The following GTF3C1 variants were observed in gnomAD, a reference collection of about 807,000 sequenced individuals.
GTF3C1 encodes the protein general transcription factor 3C polypeptide 1.
In GTF3C1, 57 loss-of-function variants were observed where a neutral mutation model predicts 226.7. The observed-to-expected ratio is 0.25, with a 90% CI of 0.20 to 0.31. The LOEUF is 0.31. GTF3C1 is among the 10% of genes least tolerant of loss of function. The pLI is 1.00. For missense variants in GTF3C1, 2,217 were observed against 2,776.1 expected (o/e 0.80, Z 4.53); for synonymous variants, 1,090 against 1,084.8 (o/e 1.00, Z -0.09).
chr16:27,482,560 A>G (rs2088070809), intron 26 of GTF3C1: 1 of 455,930 alleles, frequency 2.2e-6, no homozygotes, highest in African/African-American at 2.0e-5. Context: ...CACTGGCCTC[A>G]CTTGGCACAA....
intron 2 of GTF3C1, among the ~76,000 whole-genome samples, chr16:27,538,938 G>T (rs1033509964): frequency 7.1e-6 from 1 of 140,046 alleles, no homozygotes; most frequent in Non-Finnish European, 1.5e-5. Flanking sequence ...ATAGAACTTA[G>T]CACTCTTAGA....
chr16:27,464,202 C>T, intron 34 of GTF3C1, 118 bp downstream of exon 34: 3 of 563,826 alleles, frequency 5.3e-6, no homozygotes, highest in Non-Finnish European at 8.5e-6. Flanking sequence ...GAAGTCAAGC[C>T]CCTTTTGTGC....
At chr16:27,530,669 G>T (rs1425197032) in intron 5 of GTF3C1, among the ~76,000 whole-genome samples, 1 of 152,200 alleles carries the variant, frequency 6.6e-6, no homozygotes, top group Non-Finnish European at 1.5e-5. Context: ...CTGAAACTGA[G>T]ATTTGTCCTG....
intron 2 of GTF3C1, among the ~76,000 whole-genome samples, chr16:27,539,240 C>T (rs150458969): frequency 7.9e-5 from 12 of 152,262 alleles, no homozygotes; most frequent in Non-Finnish European, 1.6e-4. Context: ...GACCTGCAGT[C>T]TCATTTTGAC....
chr16:27,493,622 ACG>A (rs1273416925), intron 16 of GTF3C1, among the ~76,000 whole-genome samples: 1 of 152,206 alleles, frequency 6.6e-6, no homozygotes, highest in Non-Finnish European at 1.5e-5. Flanking sequence ...GATAGAGAAC[ACG>A]CGTTCCTTTT....
chr16:27,478,476 G>A lies in GTF3C1; in HGVS notation c.4252C>T (p.Leu1418Phe). 6.2e-7 allele frequency: 1 copy of A among 1,603,624 alleles called. No individual in the cohort carries two copies. Among genetic ancestry groups the A allele is most frequent in the South Asian group, 1.1e-5 (1 of 90,844 alleles). The change falls in exon 28 of 37, where the codon CTT (leucine) becomes TTT (phenylalanine). Residue 1418 changes from leucine to phenylalanine, a missense_variant. Leu to Phe is a conservative substitution (Grantham distance 22). Transcript: ENST00000356183. ...EKDQTRKEDE[L>F]NSVDDIHFLV... ...CTATATATCAGTACTTACCTGTTAAGTTCATCCTCTTTCCTGGTTTGATCT... is the reference window on the plus strand; with the variant it reads ...CTATATATCAGTACTTACCTGTTAAATTCATCCTCTTTCCTGGTTTGATCT...
intron 2 of GTF3C1, among the ~76,000 whole-genome samples, chr16:27,538,575 A>G (rs1185666666): frequency 1.3e-5 from 2 of 152,230 alleles, no homozygotes; most frequent in African/African-American, 4.8e-5. Flanking sequence ...GAAGGAACAG[A>G]GCCAATCTTA....
At chr16:27,474,615 G>GT (rs2087926002) in intron 29 of GTF3C1, among the ~76,000 whole-genome samples, 1 of 152,158 alleles carries the variant, frequency 6.6e-6, no homozygotes, top group Non-Finnish European at 1.5e-5. Flanking sequence ...TTAAACAAGC[G>GT]TGAGACCAAT....
chr16:27,497,517 C>T, intron 14 of GTF3C1, 120 bp downstream of exon 14: 3 of 753,558 alleles, frequency 4.0e-6, no homozygotes, highest in Non-Finnish European at 6.8e-6. Flanking sequence ...GCCCACAGCT[C>T]AGACGCGATT....
chr16:27,498,558 T>A, intron 13 of GTF3C1, 72 bp downstream of exon 13: 1 of 811,566 alleles, frequency 1.2e-6, no homozygotes, highest in South Asian at 1.3e-5. Flanking sequence ...AAAGGGCTCT[T>A]CTGGATTGCT....
intron 14 of GTF3C1, among the ~76,000 whole-genome samples, chr16:27,496,128 T>C (rs2088312842): frequency 6.6e-6 from 1 of 152,156 alleles, no homozygotes; most frequent in African/African-American, 2.4e-5. Flanking sequence ...CTCTCTCTCT[T>C]GCTCCTGCTT....
intron 28 of GTF3C1, among the ~76,000 whole-genome samples, chr16:27,477,956 G>A (rs2087978637): frequency 1.3e-5 from 2 of 152,302 alleles, no homozygotes; most frequent in South Asian, 4.1e-4. Flanking sequence ...GATCACTTGA[G>A]GCCAGGAGTT....
chr16:27,516,176 C>T (rs545653060), intron 6 of GTF3C1, among the ~76,000 whole-genome samples: 1 of 152,372 alleles, frequency 6.6e-6, no homozygotes, highest in South Asian at 2.1e-4. Flanking sequence ...GCCCTCTGGT[C>T]ACGATGGCTT....
intron 10 of GTF3C1, among the ~76,000 whole-genome samples, chr16:27,504,031 C>T (rs232074): frequency 0.22 from 34,154 of 152,168 alleles, 4,639 homozygotes; most frequent in African/African-American, 0.39. Context: ...GAAAGTCTTT[C>T]GTTCACCTTC....
Position 27,482,226 on chromosome 16 carries a change from T to C in GTF3C1, c.4083+818A>G, listed in dbSNP as rs531412337. Among the ~76,000 whole-genome samples, 18 of 152,248 alleles carry C rather than the reference T, an allele frequency of 1.2e-4. No homozygotes were observed. The East Asian group carries it at 3.1e-3, about 26-fold the overall frequency. ...CAACCAGGGGGTGACTGGCATAGGA[T>C]GGAAAGCTGACCACTGCTCCTGGAG... On this transcript the variant is annotated intron_variant, in intron 26 of 36. Transcript: ENST00000356183.
At chr16:27,522,806 T>C (rs2088769664) in intron 6 of GTF3C1, among the ~76,000 whole-genome samples, 1 of 152,246 alleles carries the variant, frequency 6.6e-6, no homozygotes, top group Non-Finnish European at 1.5e-5. Flanking sequence ...GTATATGTTT[T>C]GTACTTCTTT....
At chr16:27,493,435 G>A (rs2088263174) in intron 16 of GTF3C1, 139 bp from the exon 17 acceptor site, 2 of 633,008 alleles carry the variant, frequency 3.2e-6, no homozygotes, top group South Asian at 1.7e-5. Flanking sequence ...GCCCCACCAA[G>A]TGCCCCTGCA....
chr16:27,485,071 C>A (rs956292691), intron 24 of GTF3C1, among the ~76,000 whole-genome samples: 1 of 152,228 alleles, frequency 6.6e-6, no homozygotes, highest in African/African-American at 2.4e-5. Flanking sequence ...TTAGGGATGG[C>A]AACATGTCAC....
In GTF3C1 at chr16:27,507,467, A is replaced by G. The variant is rs1252834999; in HGVS notation, c.1243-311T>C. On this transcript the variant is annotated intron_variant, in intron 8 of 36. Coordinates refer to ENST00000356183, the MANE Select transcript of GTF3C1 (RefSeq NM_001520.4). This position sits in a 1 kb window ranked among gnomAD's most constrained non-coding sequence, Gnocchi z 4.9. Reference sequence around the variant, plus strand: ...ATATAGCCCCAGTGGCTGGGACAGGACGTGGCCCACACAAAATGGACAGTA... The same window carrying G: ...ATATAGCCCCAGTGGCTGGGACAGGGCGTGGCCCACACAAAATGGACAGTA... 6.6e-6 allele frequency among the ~76,000 whole-genome samples: 1 copy of G among 152,208 alleles called. No individual in the cohort carries two copies. The highest frequency in any genetic ancestry group is 1.5e-5 in the Non-Finnish European group (1 of 68,030).
Sources: allele counts gnomAD v4.1 joint callset (sites outside exome capture counted in the v4.1 genomes callset), GRCh38; gene constraint gnomAD v4.1.1; non-coding constraint Gnocchi (gnomAD v3.1); transcripts MANE v1.5; gene names NCBI Gene and HGNC (gene_info 2026-07-23, HGNC 2026-07-21).